TTC28: variants seen among roughly 807,000 people sequenced by gnomAD.
TTC28 encodes the protein tetratricopeptide repeat protein 28.
Under a neutral mutation model 198.0 loss-of-function variants are expected in TTC28, and 61 were observed. That is an observed-to-expected ratio of 0.31 (90% confidence interval 0.25 to 0.38). The LOEUF (loss-of-function observed/expected upper bound fraction) is 0.38. Ranked by LOEUF, TTC28 falls within the 10% of genes least tolerant of loss-of-function variation. The pLI is 1.00. For missense variants in TTC28, 2,678 were observed against 3,164.0 expected, an observed-to-expected ratio of 0.85 and a Z score of 3.69; for synonymous variants, 1,171 against 1,297.8, an observed-to-expected ratio of 0.90 and a Z score of 2.10.
At chr22:28,173,774 C>T (rs1191889063) in intron 5 of TTC28, among the ~76,000 whole-genome samples, 1 of 152,196 alleles carries the variant, frequency 6.6e-6, no homozygotes, top group African/African-American at 2.4e-5. Flanking sequence ...ACTATAACCA[C>T]ATCGATGACA....
At chr22:28,188,787 T>C (rs1924446839) in intron 5 of TTC28, among the ~76,000 whole-genome samples, 1 of 152,014 alleles carries the variant, frequency 6.6e-6, no homozygotes, top group South Asian at 2.1e-4. Flanking sequence ...AAAGAAAAGG[T>C]GTGCACAGAC....
intron 2 of TTC28, among the ~76,000 whole-genome samples, chr22:28,582,362 C>CTAAA (rs1168470526): frequency 6.6e-6 from 1 of 151,876 alleles, no homozygotes; most frequent in Admixed American, 6.6e-5. Flanking sequence ...GTAAAATGAA[C>CTAAA]TAAATAATCC....
At chr22:28,174,471 T>A (rs771101486) in intron 5 of TTC28, among the ~76,000 whole-genome samples, 5 of 152,216 alleles carry the variant, frequency 3.3e-5, no homozygotes, top group Non-Finnish European at 7.3e-5. Context: ...GCCCCAGTGA[T>A]GGTCAAAAAT....
At position 28,269,233 on chromosome 22, in the gene TTC28, T is replaced by A. The variant is rs1365729194; in HGVS notation, c.933+26965A>T. Among the ~76,000 whole-genome samples the A allele has an allele frequency of 3.9e-5, 6 of 152,150 alleles. No homozygotes were observed. The East Asian group carries it at 1.2e-3, about 29-fold the overall frequency. ...GAAGGAACCATTACACACTGTTGGGTCTCTGTGGTATCAGTGGTCTTTGGA... is the reference window on the plus strand; with the variant it reads ...GAAGGAACCATTACACACTGTTGGGACTCTGTGGTATCAGTGGTCTTTGGA... On this transcript the variant is annotated intron_variant, in intron 5 of 22. Transcript: ENST00000397906.
chr22:28,503,165 A>G (rs1455886551), intron 2 of TTC28, among the ~76,000 whole-genome samples: 1 of 152,086 alleles, frequency 6.6e-6, no homozygotes, highest in Non-Finnish European at 1.5e-5. Flanking sequence ...CTCAAGCTGC[A>G]TACGCCGCTC....
At chr22:28,633,918 G>A (rs2051222060) in intron 1 of TTC28, among the ~76,000 whole-genome samples, 2 of 152,118 alleles carry the variant, frequency 1.3e-5, no homozygotes, top group Admixed American at 6.6e-5. Context: ...TTATAGTGAA[G>A]GATCTGGCAA....
chr22:28,462,844 T>C (rs2047968179), intron 2 of TTC28, among the ~76,000 whole-genome samples: 1 of 152,166 alleles, frequency 6.6e-6, no homozygotes, highest in Admixed American at 6.5e-5. Context: ...CCAAAAATTT[T>C]ACATGTCTAA....
chr22:28,670,529 GAATAATACTCCACTGGA>G (rs1387086937), intron 1 of TTC28, among the ~76,000 whole-genome samples: 3 of 151,998 alleles, frequency 2.0e-5, no homozygotes, highest in East Asian at 1.9e-4. Flanking sequence ...TTTTATGGCA[GAATAATACTCCACTGGA>G]AATAATACTC....
intron 2 of TTC28, among the ~76,000 whole-genome samples, chr22:28,590,930 C>T (rs1171687008): frequency 2.7e-5 from 4 of 148,690 alleles, no homozygotes; most frequent in East Asian, 2.0e-4. Flanking sequence ...AATCGCAACC[C>T]GGGAGACAGA....
intron 1 of TTC28, among the ~76,000 whole-genome samples, chr22:28,661,008 GC>G (rs1347973219): frequency 6.6e-6 from 1 of 152,026 alleles, no homozygotes; most frequent in Non-Finnish European, 1.5e-5. Flanking sequence ...TTTAAGGCCA[GC>G]CGCAGTGGCT....
chr22:28,155,494 T>G (rs1424478605), intron 6 of TTC28, among the ~76,000 whole-genome samples: 1 of 152,152 alleles, frequency 6.6e-6, no homozygotes. Context: ...ATAAATAGAA[T>G]AAGAAGAGAA....
At chr22:28,205,511 C>T (rs1926329315) in intron 5 of TTC28, among the ~76,000 whole-genome samples, 1 of 152,032 alleles carries the variant, frequency 6.6e-6, no homozygotes, top group Non-Finnish European at 1.5e-5. Flanking sequence ...ATGACACTTT[C>T]ATCTAGTAGT....
At chr22:28,089,732 T>TA (rs895898788) in intron 12 of TTC28, among the ~76,000 whole-genome samples, 62 of 139,200 alleles carry the variant, frequency 4.5e-4, no homozygotes, top group Middle Eastern at 3.7e-3. Context: ...TTCAAATGTT[T>TA]AAAAAAAAAA....
chr22:28,164,350 AGTGG>A (rs1167402405), intron 5 of TTC28, among the ~76,000 whole-genome samples: 1 of 152,200 alleles, frequency 6.6e-6, no homozygotes, highest in Non-Finnish European at 1.5e-5. Context: ...TGCCTCCTCA[AGTGG>A]GTCTCTGAAC....
intron 2 of TTC28, among the ~76,000 whole-genome samples, chr22:28,540,004 G>A (rs1601539034): frequency 6.8e-6 from 1 of 146,876 alleles, no homozygotes; most frequent in East Asian, 2.1e-4. Context: ...GAGTGCAGTG[G>A]CACGATCTCG....
chr22:28,017,378 G>C (rs1016896999), intron 13 of TTC28, among the ~76,000 whole-genome samples: 2 of 152,242 alleles, frequency 1.3e-5, no homozygotes, highest in African/African-American at 4.8e-5. Context: ...CCTTTGTCCT[G>C]GGTCCCAGTG....
intron 2 of TTC28, among the ~76,000 whole-genome samples, chr22:28,593,943 A>T (rs889887372): frequency 3.9e-5 from 6 of 152,158 alleles, no homozygotes; most frequent in African/African-American, 1.4e-4. Flanking sequence ...TTAAGGAAAA[A>T]ATCAGCTATA....
chr22:28,105,882 G>C, intron 7 of TTC28, 80 bp from the exon 8 acceptor site: 11 of 1,435,816 alleles, frequency 7.7e-6, no homozygotes, highest in Non-Finnish European at 1.0e-5. Flanking sequence ...AAAATGAAAA[G>C]CATTTGTCAC....
rs140385793 is a variant in TTC28, at chr22:28,294,209, A to G, written c.933+1989T>C. Among the ~76,000 whole-genome samples the G allele has an allele frequency of 1.3e-4, 20 of 152,282 alleles. 1 individual carries two copies. The East Asian group carries it at 3.7e-3, about 28-fold the overall frequency. The stretch of plus-strand genomic sequence containing the variant: ...ATTTTGGAAGGGCTTAGAAGTGACT[A>G]TGGTAGGTGGCAAACCTAAGATGGG... On this transcript the variant is annotated intron_variant, in intron 5 of 22. Coordinates refer to ENST00000397906, the MANE Select transcript of TTC28 (RefSeq NM_001145418.2).
Sources: gnomAD v4.1 joint callset for allele counts (sites outside exome capture counted in the v4.1 genomes callset) on GRCh38, gnomAD v4.1.1 for gene constraint, MANE v1.5 for transcripts, NCBI Gene and HGNC (gene_info 2026-07-23, HGNC 2026-07-21) for gene names.